The following ITGA9 variants were observed in gnomAD, a reference collection of about 807,000 sequenced individuals.
ITGA9 encodes the protein integrin alpha-9.
A neutral mutation model predicts 127.8 loss-of-function variants in ITGA9; 56 were observed. The ratio of observed to expected loss-of-function variants is 0.44; its 90% CI spans 0.35 to 0.55. The LOEUF is 0.55. Ranked by LOEUF, ITGA9 falls within the 20% of genes least tolerant of loss-of-function variation. The pLI is 0.00. For synonymous variants in ITGA9, 508 were observed against 514.5 expected, an observed-to-expected ratio of 0.99 and a Z score of 0.17; for missense variants, 1,196 against 1,347.1, an observed-to-expected ratio of 0.89 and a Z score of 1.76.
chr3:37,626,194 T>G (rs1021848358), intron 15 of ITGA9, among the ~76,000 whole-genome samples: 1 of 152,368 alleles, frequency 6.6e-6, no homozygotes, highest in South Asian at 2.1e-4. Flanking sequence ...TATGCTGTTA[T>G]GTAAACAAGT....
intron 15 of ITGA9, among the ~76,000 whole-genome samples, chr3:37,620,573 G>T (rs1395322995): frequency 3.3e-5 from 5 of 152,194 alleles, no homozygotes. Flanking sequence ...AGTAAGTAAA[G>T]TGGCCAAGGT....
intron 17 of ITGA9, among the ~76,000 whole-genome samples, chr3:37,659,270 G>T (rs971959067): frequency 1.3e-5 from 2 of 152,140 alleles, no homozygotes; most frequent in African/African-American, 2.4e-5. Context: ...CCTGAAGAGT[G>T]TTTTCCAACT....
At chr3:37,701,592 A>G (rs1364070152) in intron 18 of ITGA9, among the ~76,000 whole-genome samples, 1 of 152,308 alleles carries the variant, frequency 6.6e-6, no homozygotes, top group East Asian at 1.9e-4. Flanking sequence ...GAAGGCATTA[A>G]GATCTTGACA....
At chr3:37,803,252 G>T (rs1575245333) in intron 26 of ITGA9, among the ~76,000 whole-genome samples, 1 of 152,170 alleles carries the variant, frequency 6.6e-6, no homozygotes, top group Non-Finnish European at 1.5e-5. Flanking sequence ...GTACACTTTT[G>T]TTCACTTCAT....
chr3:37,679,647 A>G (rs1353460930), intron 17 of ITGA9, among the ~76,000 whole-genome samples: 1 of 152,164 alleles, frequency 6.6e-6, no homozygotes, highest in African/African-American at 2.4e-5. Flanking sequence ...AACACCTGCT[A>G]GGAGAGACCA....
rs73826595 is a variant in ITGA9, at chr3:37,505,861, A to G, written c.743-139A>G. ...GAGCCATTTCAGCATGAGAAGGTTG[A>G]CAGCTGCCATTTTTTTCCTGGTAGT... On this transcript the variant is annotated intron_variant, in intron 6 of 27. Transcript: ENST00000264741. The G allele has an allele frequency of 6.5e-4, 467 of 715,448 alleles. 2 individuals are homozygous for G. In the African/African-American group the frequency reaches 6.9e-3, roughly 11 times the overall value. The allele number at this position is 715,448 out of a possible 1,614,324, so 44.3% of individuals were successfully genotyped here. A position where few individuals can be genotyped will look rare whatever the true frequency, so the allele number is the denominator to read the frequency against.
rs559290298 is a variant in ITGA9, at chr3:37,683,867, T to C, written c.1919T>C (p.Met640Thr). 3 of 1,614,052 alleles carry C rather than the reference T, an allele frequency of 1.9e-6. No homozygotes were observed. Among genetic ancestry groups the C allele is most frequent in the Admixed American group, 1.7e-5 (1 of 60,026 alleles). Residue 640 changes from methionine (M) to threonine (T), a missense_variant and splice_region_variant, in exon 18 of 28, where the codon ATG becomes ACG. Physicochemically the swap from Met to Thr is moderately conservative, Grantham distance 81. Transcript: ENST00000264741. ...QLQGKLLLSS[M>T]DEKTLYLALG... ...TTGCTGTCTATTTTTCGTTACAGTA[T>C]GGATGAGAAAACCCTGTATCTAGCT...
intron 15 of ITGA9, among the ~76,000 whole-genome samples, chr3:37,551,077 G>T (rs907646990): frequency 2.0e-5 from 3 of 152,100 alleles, no homozygotes; most frequent in Admixed American, 2.0e-4. Flanking sequence ...ATGAATAATA[G>T]GAAAGTAAAT....
chr3:37,455,377 T>G (rs1698244903), intron 1 of ITGA9, among the ~76,000 whole-genome samples: 2 of 152,224 alleles, frequency 1.3e-5, no homozygotes, highest in African/African-American at 4.8e-5. Context: ...GATGGAAGCT[T>G]CAAGGCATTC....
intron 11 of ITGA9, among the ~76,000 whole-genome samples, chr3:37,522,347 C>T (rs905352977): frequency 3.9e-5 from 6 of 152,088 alleles, no homozygotes; most frequent in African/African-American, 2.4e-5. Flanking sequence ...AATGTTGATG[C>T]GCAGCTTCAG....
In ITGA9 at chr3:37,490,975, C is replaced by CCTT. The variant is rs548395527; in HGVS notation, c.545-3526_545-3525insCTT. On this transcript the variant is annotated intron_variant, in intron 4 of 27. Coordinates refer to ENST00000264741, the MANE Select transcript of ITGA9 (RefSeq NM_002207.3). Reference sequence around the variant, plus strand: ...GGTCTCAGATTTGGCTTCCCCCCCGCTTTTTTTTTTTTTTTTTTTGAGACC... The same window carrying CCTT: ...GGTCTCAGATTTGGCTTCCCCCCCGCCTTTTTTTTTTTTTTTTTTTTTGAGACC... Among the ~76,000 whole-genome samples the CCTT allele has an allele frequency of 4.6e-4, 48 of 105,104 alleles. 2 individuals carry two copies. The highest frequency in any genetic ancestry group is 1.5e-3 in the African/African-American group (42 of 27,636). 69.0% of individuals were successfully genotyped at this position (105,104 alleles called of 152,430 possible). A position where few individuals can be genotyped will look rare whatever the true frequency, so the allele number is the denominator to read the frequency against.
chr3:37,462,273 C>A (rs1698323526), intron 1 of ITGA9, among the ~76,000 whole-genome samples: 1 of 152,210 alleles, frequency 6.6e-6, no homozygotes, highest in Admixed American at 6.5e-5. Flanking sequence ...AAGGTTGGAC[C>A]CTGCCCCCGT....
chr3:37,732,866 G>A (rs890735815), intron 19 of ITGA9, 68 bp downstream of exon 19: 32 of 1,253,542 alleles, frequency 2.6e-5, no homozygotes, highest in South Asian at 1.0e-4. Context: ...CACTGATTCC[G>A]CCGCCTCCCT....
At chr3:37,576,399 TTA>T (rs1699654261) in intron 15 of ITGA9, among the ~76,000 whole-genome samples, 1 of 152,176 alleles carries the variant, frequency 6.6e-6, no homozygotes, top group African/African-American at 2.4e-5. Flanking sequence ...GATTAATAAT[TTA>T]TATGTCAATG....
intron 26 of ITGA9, among the ~76,000 whole-genome samples, chr3:37,803,489 T>C (rs1697258583): frequency 1.3e-5 from 2 of 152,164 alleles, no homozygotes; most frequent in African/African-American, 4.8e-5. Context: ...GCACTTCTGT[T>C]TAGGAAACGT....
intron 4 of ITGA9, among the ~76,000 whole-genome samples, chr3:37,490,975 C>CCTTTT (rs548395527): frequency 1.9e-5 from 2 of 105,104 alleles, no homozygotes; most frequent in African/African-American, 3.6e-5. Flanking sequence ...TTCCCCCCCG[C>CCTTTT]TTTTTTTTTT....
At chr3:37,498,174 A>G (rs1698751569) in intron 5 of ITGA9, among the ~76,000 whole-genome samples, 1 of 152,226 alleles carries the variant, frequency 6.6e-6, no homozygotes, top group Non-Finnish European at 1.5e-5. Flanking sequence ...GCTTTCAGAC[A>G]CAGGGAGTGT....
intron 15 of ITGA9, among the ~76,000 whole-genome samples, chr3:37,563,242 A>G (rs1699511954): frequency 6.6e-6 from 1 of 152,192 alleles, no homozygotes; most frequent in South Asian, 2.1e-4. Context: ...GTTGGTTATC[A>G]TGGGTAGACT....
At chr3:37,798,721 G>A (rs1356827150) in intron 26 of ITGA9, among the ~76,000 whole-genome samples, 1 of 152,196 alleles carries the variant, frequency 6.6e-6, no homozygotes, top group African/African-American at 2.4e-5. Context: ...TTATTGCCTT[G>A]TAGGGTATTA....
Sources: allele counts gnomAD v4.1 joint callset (sites outside exome capture counted in the v4.1 genomes callset), GRCh38; gene constraint gnomAD v4.1.1; transcripts MANE v1.5; gene names NCBI Gene and HGNC (gene_info 2026-07-23, HGNC 2026-07-21).